Variants in NCAM2 observed in about 807,000 individuals in gnomAD.
NCAM2 encodes neural cell adhesion molecule 2, also known as N-CAM-2.
In NCAM2, 30 loss-of-function variants were observed where a neutral mutation model predicts 98.1. That is an observed-to-expected ratio of 0.31 (90% CI 0.23 to 0.41). The LOEUF is 0.41. Among genes scored for constraint, NCAM2 ranks in the 10% least tolerant of loss-of-function variants. The pLI, the probability that NCAM2 is intolerant of heterozygous loss-of-function variation, is 1.00. For missense variants in NCAM2, 867 were observed against 1,005.8 expected, an observed-to-expected ratio of 0.86 and a Z score of 1.87; for synonymous variants, 368 against 342.4, an observed-to-expected ratio of 1.07 and a Z score of -0.83.
chr21:21,072,041 T>C (rs1454407746), intron 1 of NCAM2, among the ~76,000 whole-genome samples: 4 of 149,764 alleles, frequency 2.7e-5, no homozygotes, highest in Non-Finnish European at 4.4e-5. Context: ...GCCTCCCGAG[T>C]AGCTGGGACT....
intron 1 of NCAM2, among the ~76,000 whole-genome samples, chr21:21,116,061 G>T (rs1281619205): frequency 1.3e-5 from 2 of 148,982 alleles, no homozygotes; most frequent in African/African-American, 2.5e-5. Flanking sequence ...CATGAGAAGG[G>T]TTTTTTCTAA....
Position 21,115,408 on chromosome 21 carries a change from T to A in NCAM2, c.55+116790T>A, listed in dbSNP as rs576136157. 6.6e-5 allele frequency among the ~76,000 whole-genome samples: 10 copies of A among 152,210 alleles called. 1 individual carries two copies. The South Asian group carries it at 2.1e-3, about 32-fold the overall frequency. On this transcript the variant is annotated intron_variant, in intron 1 of 17. Coordinates refer to ENST00000400546, the MANE Select transcript of NCAM2 (RefSeq NM_004540.5). ...TTCTACCAGAATTAGTTAAGTTAAA[T>A]AAAACATTAAAATCTACCAGTTTAC...
At chr21:21,179,178 T>TAATG (rs2068390966) in intron 1 of NCAM2, among the ~76,000 whole-genome samples, 1 of 152,298 alleles carries the variant, frequency 6.6e-6, no homozygotes, top group East Asian at 1.9e-4. Flanking sequence ...AGATTCATTC[T>TAATG]AATGAATGAA....
intron 6 of NCAM2, among the ~76,000 whole-genome samples, chr21:21,335,048 A>C (rs572196339): frequency 1.3e-5 from 2 of 152,072 alleles, no homozygotes; most frequent in South Asian, 4.1e-4. Flanking sequence ...ATATATTTAC[A>C]TTGTATTTAC....
chr21:21,226,927 G>A (rs1433161736), intron 1 of NCAM2: 2 of 151,874 alleles, frequency 1.3e-5, no homozygotes, highest in Non-Finnish European at 1.5e-5. Context: ...TATGATTATC[G>A]AAGTTGATGG....
rs201765211 is a variant in NCAM2, at chr21:21,437,052, G to A, written c.1654+4771G>A. ...ATCCTCCCAAAGTGCTGGGATTACA[G>A]GCATAAACCACCACGCCTCGCCAGA... On this transcript the variant is annotated intron_variant, in intron 12 of 17. Transcript: ENST00000400546. Among the ~76,000 whole-genome samples, 53 of 152,024 alleles carry A rather than the reference G, an allele frequency of 3.5e-4. No homozygotes were observed. In the East Asian group the frequency reaches 5.4e-3, roughly 16 times the overall value.
At chr21:21,337,076 C>T (rs953691938) in intron 7 of NCAM2, among the ~76,000 whole-genome samples, 1 of 151,998 alleles carries the variant, frequency 6.6e-6, no homozygotes, top group African/African-American at 2.4e-5. Flanking sequence ...AATATTTTTT[C>T]TATAAAACCT....
chr21:21,001,527 T>C (rs2064019354), intron 1 of NCAM2, among the ~76,000 whole-genome samples: 1 of 152,230 alleles, frequency 6.6e-6, no homozygotes, highest in East Asian at 1.9e-4. Flanking sequence ...TCTGATTAAC[T>C]GCATTTGCTG....
intron 12 of NCAM2, among the ~76,000 whole-genome samples, chr21:21,462,925 A>G (rs775943979): frequency 6.6e-6 from 1 of 152,094 alleles, no homozygotes; most frequent in Non-Finnish European, 1.5e-5. Flanking sequence ...AGCTTTTACT[A>G]GTTTGTAATC....
At chr21:21,091,626 A>G (rs903712653) in intron 1 of NCAM2, among the ~76,000 whole-genome samples, 3 of 152,160 alleles carry the variant, frequency 2.0e-5, no homozygotes, top group African/African-American at 7.2e-5. Context: ...TACATGGATA[A>G]GGATTACATG....
At chr21:21,024,386 G>A (rs182229114) in intron 1 of NCAM2, among the ~76,000 whole-genome samples, 2 of 151,878 alleles carry the variant, frequency 1.3e-5, no homozygotes, top group African/African-American at 2.4e-5. Context: ...GAAATCCTGG[G>A]GGGGGAAAAA....
intron 10 of NCAM2, among the ~76,000 whole-genome samples, chr21:21,417,686 A>C (rs1419694957): frequency 3.3e-5 from 5 of 152,142 alleles, no homozygotes; most frequent in Non-Finnish European, 5.9e-5. Flanking sequence ...CACCAATAGA[A>C]TCCCCGAAGG....
At chr21:21,343,358 T>TACACAC (rs71195322) in intron 8 of NCAM2, among the ~76,000 whole-genome samples, 3,579 of 120,776 alleles carry the variant, frequency 0.03, 51 homozygotes, top group Non-Finnish European at 0.048. Context: ...TCTATACACA[T>TACACAC]ACACACACAC....
chr21:21,175,731 T>C (rs2068264298), intron 1 of NCAM2, among the ~76,000 whole-genome samples: 1 of 152,154 alleles, frequency 6.6e-6, no homozygotes, highest in Non-Finnish European at 1.5e-5. Flanking sequence ...CTAGTGTATT[T>C]ATTCAGAGAA....
chr21:21,267,558 A>G lies in NCAM2; in HGVS notation c.56-13020A>G, dbSNP rs76259806. ...CCATTTAAATTTGGATTGTGTAAAG[A>G]TTTTTCACAGTTCATTTGGAAGAAA... On this transcript the variant is annotated intron_variant, in intron 1 of 17. Coordinates refer to ENST00000400546, the MANE Select transcript of NCAM2 (RefSeq NM_004540.5). Among the ~76,000 whole-genome samples the G allele has an allele frequency of 6.1e-3, 921 of 152,102 alleles. 3 individuals are homozygous for G. Among genetic ancestry groups the G allele is most frequent in the Non-Finnish European group, 9.9e-3 (671 of 67,986 alleles).
At chr21:21,533,166 C>CTTTTTTTTTTTTTTTTTTTTT (rs201532023) in intron 16 of NCAM2, among the ~76,000 whole-genome samples, 9 of 93,790 alleles carry the variant, frequency 9.6e-5, no homozygotes, top group South Asian at 3.2e-4. Flanking sequence ...TGTTTGCTTG[C>CTTTTTTTTTTTTTTTTTTTTT]TTTTTTTTTT....
chr21:21,399,548 A>AT (rs1569020546), intron 9 of NCAM2, among the ~76,000 whole-genome samples: 1 of 152,208 alleles, frequency 6.6e-6, no homozygotes, highest in Non-Finnish European at 1.5e-5. Context: ...GCCTATTCTT[A>AT]TTCTCATCAA....
intron 5 of NCAM2, among the ~76,000 whole-genome samples, chr21:21,300,617 A>G (rs2073677760): frequency 6.6e-6 from 1 of 152,076 alleles, no homozygotes. Flanking sequence ...AACACCATTA[A>G]TCCTTCAAGG....
At chr21:21,184,424 A>T (rs191723701) in intron 1 of NCAM2, among the ~76,000 whole-genome samples, 46 of 152,282 alleles carry the variant, frequency 3.0e-4, no homozygotes, top group Admixed American at 2.3e-3. Context: ...GGCTGGTAGC[A>T]TCATACAATG....
Sources: allele counts gnomAD v4.1 joint callset (sites outside exome capture counted in the v4.1 genomes callset), GRCh38; gene constraint gnomAD v4.1.1; transcripts MANE v1.5; gene names NCBI Gene and HGNC (gene_info 2026-07-23, HGNC 2026-07-21).